The following TFCP2 variants were observed in gnomAD, a reference collection of about 807,000 sequenced individuals.
TFCP2 encodes alpha-globin transcription factor CP2.
In TFCP2, 33 loss-of-function variants were observed where a neutral mutation model predicts 73.4. That is an observed-to-expected ratio of 0.45 (90% CI 0.34 to 0.60). The LOEUF (loss-of-function observed/expected upper bound fraction) is 0.60, where lower values mean the gene tolerates loss of function less well. TFCP2 is among the 20% of genes least tolerant of loss of function. The pLI is 0.01. For synonymous variants in TFCP2, 193 were observed against 211.6 expected (o/e 0.91, Z 0.76); for missense variants, 352 against 604.0 (o/e 0.58, Z 4.37).
chr12:51,141,296 A>G (rs1265338067), intron 1 of TFCP2, among the ~76,000 whole-genome samples: 2 of 151,390 alleles, frequency 1.3e-5, no homozygotes, highest in African/African-American at 4.8e-5. Flanking sequence ...AAATTTCCAG[A>G]TTTCTGTGTG....
chr12:51,127,610 A>G (rs1258064302), intron 1 of TFCP2, among the ~76,000 whole-genome samples: 1 of 152,262 alleles, frequency 6.6e-6, no homozygotes, highest in African/African-American at 2.4e-5. Flanking sequence ...ATTAATATAA[A>G]GCAGAGACAG....
intron 4 of TFCP2, among the ~76,000 whole-genome samples, chr12:51,113,255 G>A (rs1192588757): frequency 6.6e-6 from 1 of 152,164 alleles, no homozygotes; most frequent in African/African-American, 2.4e-5. Context: ...GGTAAAATTA[G>A]TAGCAGTTAA....
chr12:51,163,505 G>C (rs546959684), intron 1 of TFCP2, among the ~76,000 whole-genome samples: 1 of 152,044 alleles, frequency 6.6e-6, no homozygotes, highest in Admixed American at 6.6e-5. Context: ...CAGGAGAATC[G>C]CTTGAACTTG....
intron 1 of TFCP2, among the ~76,000 whole-genome samples, chr12:51,147,146 C>G (rs1941313664): frequency 6.6e-6 from 1 of 152,116 alleles, no homozygotes; most frequent in South Asian, 2.1e-4. Flanking sequence ...AGTGCGAGAC[C>G]AGCCTGGCCA....
chr12:51,159,779 C>T (rs1163480027), intron 1 of TFCP2, among the ~76,000 whole-genome samples: 2 of 152,100 alleles, frequency 1.3e-5, no homozygotes, highest in Non-Finnish European at 2.9e-5. Flanking sequence ...TGCACTTGAT[C>T]CAGATTCCTC....
At chr12:51,101,081 A>G (rs1940099931) in intron 11 of TFCP2, among the ~76,000 whole-genome samples, 1 of 152,212 alleles carries the variant, frequency 6.6e-6, no homozygotes, top group South Asian at 2.1e-4. Context: ...AGGCGGGTGG[A>G]TCACGAGATC....
chr12:51,112,960 AG>A, intron 4 of TFCP2, among the ~76,000 whole-genome samples: 1 of 152,304 alleles, frequency 6.6e-6, no homozygotes. Flanking sequence ...AAGGGAAGCA[AG>A]AATTAATGGG....
intron 1 of TFCP2, among the ~76,000 whole-genome samples, chr12:51,137,196 A>G (rs113563607): frequency 6.6e-6 from 1 of 152,200 alleles, no homozygotes; most frequent in African/African-American, 2.4e-5. Flanking sequence ...CATTATGTAC[A>G]TCTCAAAGTT....
intron 1 of TFCP2, among the ~76,000 whole-genome samples, chr12:51,160,569 C>T (rs149198143): frequency 2.0e-5 from 3 of 151,976 alleles, no homozygotes; most frequent in African/African-American, 4.8e-5. Context: ...TGTGTGTGCG[C>T]GCATACACTG....
intron 12 of TFCP2, among the ~76,000 whole-genome samples, chr12:51,099,452 T>G (rs939291027): frequency 6.7e-6 from 1 of 148,404 alleles, no homozygotes; most frequent in African/African-American, 2.5e-5. Context: ...TACTTCAGCC[T>G]GGGTAACTGA....
Position 51,106,620 on chromosome 12 carries a change from A to G in TFCP2, c.829-7T>C. 1 of 1,611,872 alleles carries G rather than the reference A, an allele frequency of 6.2e-7. No homozygotes were observed. On this transcript the variant is annotated splice_region_variant and splice_polypyrimidine_tract_variant and intron_variant, in intron 7 of 14. Transcript: ENST00000257915. ...TCTCGGGCCATGGAGAACACTAAAA[A>G]CAAAGGATAAGTTAGATAATGAACG...
At chr12:51,158,144 G>A (rs1026991872) in intron 1 of TFCP2, among the ~76,000 whole-genome samples, 1 of 152,060 alleles carries the variant, frequency 6.6e-6, no homozygotes, top group African/African-American at 2.4e-5. Flanking sequence ...TAGTAGCTAG[G>A]ACTACAGGAA....
intron 1 of TFCP2, among the ~76,000 whole-genome samples, chr12:51,158,274 G>A (rs1941579522): frequency 6.6e-6 from 1 of 152,012 alleles, no homozygotes. Context: ...CATTCCTAAA[G>A]CACTGGTATT....
In TFCP2 at chr12:51,104,161, G is replaced by A; in HGVS notation, c.960C>T (p.Val320=). The change falls in exon 9 of 15, where the codon GTC becomes GTT. Residue 320 remains valine, a synonymous_variant. Transcript: ENST00000257915. ...PNHQPEPPPP[V]TDNLLPTTTP... is the part of the protein sequence containing the mutation. ...CATTCAACTTTAGACTTACATCTGT[G>A]ACTGGAGGGGGTGGCTCTGGCTGGT... 6.2e-7 allele frequency: 1 copy of A among 1,614,040 alleles called. No individual in the cohort carries two copies. Among genetic ancestry groups the A allele is most frequent in the African/African-American group, 1.3e-5 (1 of 75,032 alleles).
chr12:51,172,121 G>C (rs1941875269), intron 1 of TFCP2, among the ~76,000 whole-genome samples, 180 bp downstream of exon 1: 1 of 152,080 alleles, frequency 6.6e-6, no homozygotes, highest in Non-Finnish European at 1.5e-5. Context: ...GCCTACAATC[G>C]CTTTTTCCAT....
chr12:51,100,754 C>CA (rs1452671490), intron 11 of TFCP2, among the ~76,000 whole-genome samples: 1 of 152,072 alleles, frequency 6.6e-6, no homozygotes, highest in Non-Finnish European at 1.5e-5. Context: ...ATCGAGGCTG[C>CA]AGTGAGCCAT....
chr12:51,143,004 C>T (rs1941223409), intron 1 of TFCP2, among the ~76,000 whole-genome samples: 1 of 152,060 alleles, frequency 6.6e-6, no homozygotes, highest in Admixed American at 6.6e-5. Context: ...AATACTCTTA[C>T]CTGATTTTCT....
At position 51,104,007 on chromosome 12, in the gene TFCP2, T is replaced by C. The variant is rs550806803; in HGVS notation, c.966+148A>G. On this transcript the variant is annotated intron_variant, in intron 9 of 14. Transcript: ENST00000257915. The stretch of plus-strand genomic sequence containing the variant: ...TTCATATCTTTAGTCCCTAGCACAG[T>C]ATCTGGTTCATAGTCAAAATTCAAT... The C allele has an allele frequency of 7.2e-4, 615 of 854,430 alleles. 1 individual carries two copies. In the African/African-American group the frequency reaches 9.4e-3, roughly 13 times the overall value. The allele number at this position is 854,430 out of a possible 1,614,324, so 52.9% of individuals were successfully genotyped here.
intron 5 of TFCP2, among the ~76,000 whole-genome samples, chr12:51,110,298 G>T (rs1420592358): frequency 6.6e-6 from 1 of 152,176 alleles, no homozygotes; most frequent in Non-Finnish European, 1.5e-5. Flanking sequence ...GCCGGGCATG[G>T]TGGCTCACAC....
Sources: gnomAD v4.1 joint callset for allele counts (sites outside exome capture counted in the v4.1 genomes callset) on GRCh38, gnomAD v4.1.1 for gene constraint, MANE v1.5 for transcripts, NCBI Gene and HGNC (gene_info 2026-07-23, HGNC 2026-07-21) for gene names.